Variants in POLK observed in about 807,000 individuals in gnomAD.
The protein encoded by POLK is DNA polymerase kappa.
A neutral mutation model predicts 94.0 loss-of-function variants in POLK; 76 were observed. That is an observed-to-expected ratio of 0.81 (90% confidence interval 0.67 to 0.98). The LOEUF is 0.98. Among genes scored for constraint, POLK ranks in the 50% least tolerant of loss-of-function variants. The pLI, the probability that POLK is intolerant of heterozygous loss-of-function variation, is 0.00. For synonymous variants in POLK, 349 were observed against 325.4 expected (o/e 1.07, Z -0.78); for missense variants, 954 against 1,010.1 (o/e 0.94, Z 0.75).
chr5:75,514,719 C>G (rs977587594), intron 1 of POLK, among the ~76,000 whole-genome samples: 2 of 152,130 alleles, frequency 1.3e-5, no homozygotes, highest in Non-Finnish European at 2.9e-5. Context: ...AGAAAAGTCA[C>G]TCAGGCATAA....
At chr5:75,575,195 T>C (rs1369018590) in intron 5 of POLK, among the ~76,000 whole-genome samples, 1 of 152,200 alleles carries the variant, frequency 6.6e-6, no homozygotes, top group African/African-American at 2.4e-5. Flanking sequence ...CTCCCGTTTT[T>C]TTTGACACAG....
chr5:75,571,280 GA>G (rs1208839319), intron 4 of POLK, among the ~76,000 whole-genome samples: 4 of 152,112 alleles, frequency 2.6e-5, no homozygotes, highest in Admixed American at 2.6e-4. Flanking sequence ...TAATGGGAGT[GA>G]TTGTTTGATT....
intron 1 of POLK, among the ~76,000 whole-genome samples, chr5:75,537,045 C>A (rs963138411): frequency 6.6e-6 from 1 of 152,122 alleles, no homozygotes; most frequent in African/African-American, 2.4e-5. Context: ...AGTGGCCAGC[C>A]AAATTCTGGC....
At chr5:75,551,591 A>G (rs5744601) in intron 2 of POLK, among the ~76,000 whole-genome samples, 33,885 of 152,074 alleles carry the variant, frequency 0.22, 3,915 homozygotes, top group South Asian at 0.4. Context: ...TATACAAATG[A>G]CTCTAGGCAC....
At chr5:75,525,747 A>G (rs1768809331) in intron 1 of POLK, among the ~76,000 whole-genome samples, 1 of 152,218 alleles carries the variant, frequency 6.6e-6, no homozygotes, top group Admixed American at 6.5e-5. Context: ...TCTTTAAAGT[A>G]CTGAAAGAAA....
intron 1 of POLK, among the ~76,000 whole-genome samples, chr5:75,544,131 C>G (rs909212524): frequency 1.2e-4 from 19 of 152,242 alleles, no homozygotes; most frequent in African/African-American, 4.6e-4. Context: ...GATGCTGCAC[C>G]CGGCCTCTTC....
At chr5:75,559,274 A>G (rs906272040) in intron 3 of POLK, among the ~76,000 whole-genome samples, 4 of 152,150 alleles carry the variant, frequency 2.6e-5, no homozygotes, top group Admixed American at 6.5e-5. Context: ...GAGGTAAGCA[A>G]CTTTTACAGG....
intron 6 of POLK, among the ~76,000 whole-genome samples, chr5:75,577,471 A>T (rs560471907): frequency 3.3e-5 from 5 of 152,178 alleles, no homozygotes; most frequent in Admixed American, 1.3e-4. Context: ...GGGTTTTTTT[A>T]AAAAAATAAT....
intron 2 of POLK, among the ~76,000 whole-genome samples, chr5:75,552,271 A>G (rs2112661121): frequency 6.6e-6 from 1 of 152,316 alleles, no homozygotes; most frequent in East Asian, 1.9e-4. Flanking sequence ...GTTAACTACT[A>G]ATAAATTCAT....
At chr5:75,546,596 T>A (rs1159193830) in intron 1 of POLK, among the ~76,000 whole-genome samples, 1 of 152,080 alleles carries the variant, frequency 6.6e-6, no homozygotes, top group Non-Finnish European at 1.5e-5. Context: ...GCATAACGGA[T>A]GTACATGGTC....
At chr5:75,547,042 A>G (rs1561357824) in exon 2 of POLK, 1 of 1,529,474 alleles carries the variant, frequency 6.5e-7, no homozygotes, top group Non-Finnish European at 8.9e-7. Flanking sequence ...ACAAAGGAGA[A>G]GTGTGACAGT....
chr5:75,518,947 T>C (rs73120833), intron 1 of POLK, among the ~76,000 whole-genome samples: 59,182 of 151,998 alleles, frequency 0.39, 15,211 homozygotes, highest in African/African-American at 0.74. Context: ...TTGGTTCAGG[T>C]GATGCTCCTG....
At chr5:75,511,744 C>T (rs968539910), upstream of POLK, 2 of 1,550,198 alleles carry the variant, frequency 1.3e-6, no homozygotes, top group South Asian at 1.2e-5. Flanking sequence ...TCGGGATCCT[C>T]CTCCCGAACC....
At chr5:75,554,874 A>G (rs1490320794) in intron 3 of POLK, among the ~76,000 whole-genome samples, 1 of 152,192 alleles carries the variant, frequency 6.6e-6, no homozygotes, top group East Asian at 1.9e-4. Context: ...CATGGTGTAT[A>G]TGTACACAAT....
intron 12 of POLK, among the ~76,000 whole-genome samples, chr5:75,595,547 C>T (rs541873485): frequency 2.2e-4 from 33 of 149,988 alleles, no homozygotes; most frequent in African/African-American, 7.9e-4. Flanking sequence ...ATATGAGTAC[C>T]ATAAAAAATA....
At chr5:75,526,215 G>A (rs909797412) in intron 1 of POLK, among the ~76,000 whole-genome samples, 1 of 151,816 alleles carries the variant, frequency 6.6e-6, no homozygotes, top group Non-Finnish European at 1.5e-5. Context: ...GGAAGAGTGA[G>A]ACTCCGTCTC....
chr5:75,538,610 G>C (rs573357202), intron 1 of POLK: 1 of 152,208 alleles, frequency 6.6e-6, no homozygotes, highest in South Asian at 2.1e-4. Context: ...GAGCTTTCTG[G>C]TGAAGACCGG....
At chr5:75,582,997 T>C in intron 7 of POLK, 1 of 191,026 alleles carries the variant, frequency 5.2e-6, no homozygotes, top group African/African-American at 2.4e-5. Flanking sequence ...GTAAGTAAGC[T>C]AATAGTAACA....
chr5:75,605,786 G>A (rs1183150311), downstream of POLK, among the ~76,000 whole-genome samples: 1 of 152,160 alleles, frequency 6.6e-6, no homozygotes, highest in Non-Finnish European at 1.5e-5. Context: ...TATACCTTCA[G>A]AGCAAGGATA....
Sources: allele counts gnomAD v4.1 joint callset (sites outside exome capture counted in the v4.1 genomes callset), GRCh38; gene constraint gnomAD v4.1.1; transcripts MANE v1.5; gene names NCBI Gene and HGNC (gene_info 2026-07-23, HGNC 2026-07-21).